The following NHS variants were observed in gnomAD, a reference collection of about 807,000 sequenced individuals.
NHS encodes actin remodeling regulator NHS.
A neutral mutation model predicts 72.5 loss-of-function variants in NHS; 5 were observed. The ratio of observed to expected loss-of-function variants is 0.07; its 90% CI spans 0.04 to 0.14. NHS has a LOEUF of 0.14. NHS is among the 10% of genes least tolerant of loss of function. The pLI, the probability that NHS is intolerant of heterozygous loss-of-function variation, is 1.00. For synonymous variants in NHS, 464 were observed against 547.7 expected (o/e 0.85, Z 2.13); for missense variants, 1,072 against 1,355.7 (o/e 0.79, Z 3.29).
At chrX:17,552,390 A>T (rs1335641263) in intron 1 of NHS, 1 of 112,004 alleles carries the variant, frequency 8.9e-6, no homozygotes, top group Non-Finnish European at 1.9e-5. Flanking sequence ...CACAGAGCAC[A>T]AGGTCTAGAG....
chrX:17,532,463 G>A (rs2146943737), intron 1 of NHS, among the ~76,000 whole-genome samples: 1 of 111,820 alleles, frequency 8.9e-6, no homozygotes, highest in African/African-American at 3.2e-5. Flanking sequence ...TTCAGTAACA[G>A]TATGGACGAT....
chrX:17,535,024 T>C (rs1412467523), intron 1 of NHS, among the ~76,000 whole-genome samples: 12 of 112,243 alleles, frequency 1.1e-4, no homozygotes, highest in Non-Finnish European at 2.1e-4. Flanking sequence ...CTCTGAGCTG[T>C]GTACTACAGT....
At chrX:17,376,828 G>C (rs1312875508) in intron 1 of NHS, among the ~76,000 whole-genome samples, 2 of 112,892 alleles carry the variant, frequency 1.8e-5, no homozygotes, top group Non-Finnish European at 3.8e-5. Flanking sequence ...CGGCTGTTTC[G>C]TCACTCGCTG....
intron 1 of NHS, among the ~76,000 whole-genome samples, chrX:17,669,706 C>A (rs539937875): frequency 9.0e-6 from 1 of 111,702 alleles, no homozygotes; most frequent in African/African-American, 3.3e-5. Context: ...GGAGAAAGTG[C>A]GGTTCAGGGA....
chrX:17,411,431 A>G (rs1172814546), intron 1 of NHS, among the ~76,000 whole-genome samples: 3 of 111,603 alleles, frequency 2.7e-5, no homozygotes, highest in Admixed American at 9.5e-5. Flanking sequence ...GATCCAGATC[A>G]TGAATGTGAC....
chrX:17,391,340 C>G (rs763391228), intron 1 of NHS, among the ~76,000 whole-genome samples: 13 of 111,752 alleles, frequency 1.2e-4, no homozygotes, highest in African/African-American at 3.6e-4. Flanking sequence ...CAAATTCTTA[C>G]CTCAGTTTGC....
At chrX:17,492,495 G>A (rs1259549358) in intron 1 of NHS, among the ~76,000 whole-genome samples, 15 of 112,475 alleles carry the variant, frequency 1.3e-4, no homozygotes, top group Non-Finnish European at 1.9e-4. Context: ...TGTGGTCTGA[G>A]TGACTCTTTG....
chrX:17,565,256 C>T (rs966961714), intron 1 of NHS, among the ~76,000 whole-genome samples: 2 of 111,547 alleles, frequency 1.8e-5, no homozygotes, highest in Non-Finnish European at 3.8e-5. Flanking sequence ...ACCCTGCTAA[C>T]GGCCAGCACC....
chrX:17,653,925 G>A (rs1430253762), intron 1 of NHS, among the ~76,000 whole-genome samples: 1 of 111,028 alleles, frequency 9.0e-6, no homozygotes, highest in Non-Finnish European at 1.9e-5. Context: ...AAACCCCCAG[G>A]GGCTGCCGGT....
rs139181668 is a variant in NHS at position 17,714,298 on chromosome X, C to T, written c.853-5046C>T. Among the ~76,000 whole-genome samples the T allele has an allele frequency of 6.9e-4, 77 of 110,826 alleles. No individual in the cohort carries two copies. The East Asian group carries it at 0.02, about 29-fold the overall frequency. Reference sequence around the variant, plus strand: ...AACTGACGGTTTGTTTCCACTGGGGCCAATTTTGATCCACATCAAATAAAT... The same window carrying T: ...AACTGACGGTTTGTTTCCACTGGGGTCAATTTTGATCCACATCAAATAAAT... On this transcript the variant is annotated intron_variant, in intron 3 of 8. Transcript: ENST00000676302.
chrX:17,415,952 G>T (rs1037461619), intron 1 of NHS, among the ~76,000 whole-genome samples: 2 of 111,746 alleles, frequency 1.8e-5, no homozygotes, highest in Admixed American at 1.9e-4. Context: ...AAGGCGGCTG[G>T]TATTTGCCTC....
chrX:17,435,846 T>C (rs2146879113), intron 1 of NHS, among the ~76,000 whole-genome samples: 1 of 111,884 alleles, frequency 8.9e-6, no homozygotes, highest in African/African-American at 3.3e-5. Context: ...GGCCTATCAG[T>C]CTTTGCCACC....
intron 6 of NHS, 151 bp from the exon 7 acceptor site, chrX:17,725,196 C>G: frequency 2.1e-6 from 1 of 479,552 alleles, no homozygotes; most frequent in Non-Finnish European, 3.5e-6. Flanking sequence ...CATTTTAACT[C>G]TCACCTAATT....
At chrX:17,724,862 G>A (rs763625741) in intron 6 of NHS, among the ~76,000 whole-genome samples, 41 of 111,892 alleles carry the variant, frequency 3.7e-4, no homozygotes, top group African/African-American at 1.2e-3. Flanking sequence ...TACCTTTGGT[G>A]ACAATGTTTC....
chrX:17,490,767 T>A (rs2064987590), intron 1 of NHS, among the ~76,000 whole-genome samples: 1 of 112,164 alleles, frequency 8.9e-6, no homozygotes, highest in Non-Finnish European at 1.9e-5. Flanking sequence ...GCATGGAATG[T>A]TTTTCCATTT....
intron 1 of NHS, among the ~76,000 whole-genome samples, chrX:17,444,456 C>T (rs1009351291): frequency 8.9e-6 from 1 of 112,030 alleles, no homozygotes; most frequent in Non-Finnish European, 1.9e-5. Context: ...TTGGATATAA[C>T]TGGAGGGTTT....
At chrX:17,641,449 T>C (rs1317748351) in intron 1 of NHS, among the ~76,000 whole-genome samples, 1 of 112,177 alleles carries the variant, frequency 8.9e-6, no homozygotes, top group African/African-American at 3.2e-5. Context: ...TTCTTGTGGC[T>C]GGAGCCCTCT....
chrX:17,532,817 G>T (rs1357813224), intron 1 of NHS, among the ~76,000 whole-genome samples: 1 of 111,715 alleles, frequency 9.0e-6, no homozygotes, highest in African/African-American at 3.3e-5. Flanking sequence ...TCAAACCCTG[G>T]CCCGGCCACT....
At chrX:17,537,066 A>C (rs1266393883) in intron 1 of NHS, among the ~76,000 whole-genome samples, 1 of 112,408 alleles carries the variant, frequency 8.9e-6, no homozygotes, top group African/African-American at 3.2e-5. Context: ...AGCAAAGCAA[A>C]GACTCTTGTC....
Sources: gnomAD v4.1 joint callset for allele counts (sites outside exome capture counted in the v4.1 genomes callset) on GRCh38, gnomAD v4.1.1 for gene constraint, MANE v1.5 for transcripts, NCBI Gene and HGNC (gene_info 2026-07-23, HGNC 2026-07-21) for gene names.